Variants in INPP4B observed in about 807,000 individuals in gnomAD.
INPP4B encodes the protein inositol polyphosphate-4-phosphatase type II B, also known as inositol polyphosphate 4-phosphatase type II.
INPP4B carries 55 observed loss-of-function variants against 122.5 expected under a neutral mutation model. That is an observed-to-expected ratio of 0.45 (90% confidence interval 0.36 to 0.56). The LOEUF (loss-of-function observed/expected upper bound fraction) is 0.56. Among genes scored for constraint, INPP4B ranks in the 20% least tolerant of loss-of-function variants. The pLI, the probability that INPP4B is intolerant of heterozygous loss-of-function variation, is 0.00. For synonymous variants in INPP4B, 403 were observed against 388.7 expected, an observed-to-expected ratio of 1.04 and a Z score of -0.43; for missense variants, 1,000 against 1,097.7, an observed-to-expected ratio of 0.91 and a Z score of 1.26.
intron 2 of INPP4B, among the ~76,000 whole-genome samples, chr4:142,718,217 C>T (rs1764054478): frequency 1.3e-5 from 2 of 152,078 alleles, no homozygotes; most frequent in Admixed American, 1.3e-4. Context: ...AAAGGAAACC[C>T]CATTCTCTCT....
intron 7 of INPP4B, among the ~76,000 whole-genome samples, chr4:142,369,866 G>T (rs997799687): frequency 6.6e-6 from 1 of 151,070 alleles, no homozygotes; most frequent in Non-Finnish European, 1.5e-5. Flanking sequence ...AGGAGACGGA[G>T]GTTCCAGTGA....
chr4:142,629,448 G>A lies in INPP4B; in HGVS notation c.-191+96391C>T, dbSNP rs2278641. 7.2e-4 allele frequency among the ~76,000 whole-genome samples: 110 copies of A among 152,164 alleles called. 4 individuals carry two copies. The East Asian group carries it at 0.02, about 28-fold the overall frequency. ...AATGCAGAGATTCTGATTTAGGAAG[G>A]AGAGATTGTTTATTTCTAGATGAGA... On this transcript the variant is annotated intron_variant, in intron 2 of 25. Coordinates refer to ENST00000262992, the MANE Select transcript of INPP4B (RefSeq NM_001101669.3).
rs59890158 is a variant in INPP4B at position 142,585,846 on chromosome 4, TTTATTA to T, written c.-190-123126_-190-123121del. ...CCTCAAAAAAAATTACACTAAACAC[TTTATTA>T]TTATTATTATTATTATTATTATTAT... On this transcript the variant is annotated intron_variant, in intron 2 of 25. Coordinates refer to ENST00000262992, the MANE Select transcript of INPP4B (RefSeq NM_001101669.3). 1.4e-3 allele frequency among the ~76,000 whole-genome samples: 208 copies of T among 144,606 alleles called. 2 individuals carry two copies. The highest frequency in any genetic ancestry group is 2.1e-3 in the African/African-American group (83 of 39,776). 94.9% of individuals were successfully genotyped at this position (144,606 alleles called of 152,430 possible).
chr4:142,716,653 A>T (rs925402900), intron 2 of INPP4B, among the ~76,000 whole-genome samples: 2 of 152,232 alleles, frequency 1.3e-5, no homozygotes, highest in African/African-American at 4.8e-5. Flanking sequence ...CCTGAAAGGT[A>T]AAGTTTCCTA....
intron 2 of INPP4B, among the ~76,000 whole-genome samples, chr4:142,645,850 T>C (rs1489367772): frequency 6.6e-6 from 1 of 152,198 alleles, no homozygotes; most frequent in Non-Finnish European, 1.5e-5. Flanking sequence ...TCTTGAGAAG[T>C]TAAGCAGCGA....
At chr4:142,737,705 T>C (rs1767179250) in intron 1 of INPP4B, among the ~76,000 whole-genome samples, 1 of 151,966 alleles carries the variant, frequency 6.6e-6, no homozygotes, top group Non-Finnish European at 1.5e-5. Flanking sequence ...ATTTTTACAA[T>C]CTACTCATCT....
intron 2 of INPP4B, among the ~76,000 whole-genome samples, chr4:142,548,710 T>A (rs1315644287): frequency 6.6e-6 from 1 of 151,890 alleles, no homozygotes; most frequent in Non-Finnish European, 1.5e-5. Context: ...ACAGAGGGGT[T>A]ACCTATTTAA....
chr4:142,436,615 A>T (rs1810582180), intron 3 of INPP4B, among the ~76,000 whole-genome samples: 1 of 152,252 alleles, frequency 6.6e-6, no homozygotes, highest in Non-Finnish European at 1.5e-5. Flanking sequence ...GGAGCAAACC[A>T]GATGAATAGG....
intron 17 of INPP4B, among the ~76,000 whole-genome samples, chr4:142,157,021 C>A (rs1054678536): frequency 3.3e-5 from 5 of 152,072 alleles, no homozygotes; most frequent in Non-Finnish European, 7.4e-5. Flanking sequence ...AATATCTTCA[C>A]ATAATATCAC....
intron 15 of INPP4B, 67 bp from the exon 16 acceptor site, chr4:142,173,876 A>T: frequency 2.4e-6 from 3 of 1,226,320 alleles, no homozygotes; most frequent in Non-Finnish European, 3.6e-6. Flanking sequence ...TTAATATCAG[A>T]TGGCAAATGA....
At chr4:142,841,389 C>T (rs537795216) in intron 1 of INPP4B, among the ~76,000 whole-genome samples, 2 of 152,000 alleles carry the variant, frequency 1.3e-5, no homozygotes, top group African/African-American at 4.8e-5. Context: ...GAAAGCAAAG[C>T]CCCATGAAAA....
intron 1 of INPP4B, among the ~76,000 whole-genome samples, chr4:142,844,674 G>T (rs1227536859): frequency 6.6e-6 from 1 of 152,208 alleles, no homozygotes; most frequent in African/African-American, 2.4e-5. Flanking sequence ...ATGCCCACTT[G>T]CCCAGTCCTT....
chr4:142,119,483 C>T (rs1795472562), intron 21 of INPP4B, among the ~76,000 whole-genome samples: 1 of 152,034 alleles, frequency 6.6e-6, no homozygotes, highest in Non-Finnish European at 1.5e-5. Context: ...AAGATGAGTT[C>T]ATGTCCTTTG....
At chr4:142,289,927 G>A (rs1438387599) in intron 9 of INPP4B, among the ~76,000 whole-genome samples, 1 of 152,074 alleles carries the variant, frequency 6.6e-6, no homozygotes, top group East Asian at 1.9e-4. Flanking sequence ...AATGTATCCA[G>A]AATGTGACCA....
chr4:142,677,362 G>C (rs1241974895), intron 2 of INPP4B, among the ~76,000 whole-genome samples: 1 of 151,858 alleles, frequency 6.6e-6, no homozygotes, highest in Non-Finnish European at 1.5e-5. Flanking sequence ...GGAGAGGGTG[G>C]GGAGAAATAG....
In INPP4B at chr4:142,025,118, T is replaced by C. The variant is rs995775540; in HGVS notation, c.*3664A>G. The C allele has an allele frequency of 3.9e-5, 6 of 152,158 alleles. No individual in the cohort carries two copies. The highest frequency in any genetic ancestry group is 2.0e-4 in the Admixed American group (3 of 15,270). The allele number at this position is 152,158 out of a possible 1,614,324, so 9.4% of individuals were successfully genotyped here. The stretch of plus-strand genomic sequence containing the variant: ...GAATATGGCATTCATTGTGTGCTGG[T>C]AAATGCTCAACAATTGCCTTTCCAG... On this transcript the variant is annotated 3_prime_UTR_variant, in exon 26 of 26. Coordinates refer to ENST00000262992, the MANE Select transcript of INPP4B (RefSeq NM_001101669.3).
At chr4:142,505,690 G>A (rs370819661) in intron 2 of INPP4B, among the ~76,000 whole-genome samples, 4 of 152,140 alleles carry the variant, frequency 2.6e-5, no homozygotes, top group African/African-American at 9.7e-5. Flanking sequence ...TAGAGGAGAT[G>A]GAAAGGTGGA....
chr4:142,438,906 A>T (rs528558302), intron 3 of INPP4B, among the ~76,000 whole-genome samples: 102 of 152,298 alleles, frequency 6.7e-4, no homozygotes, highest in African/African-American at 2.3e-3. Flanking sequence ...ACATGTAAAG[A>T]TGTTTGGTAG....
At chr4:142,182,056 T>C (rs185835348) in intron 15 of INPP4B, among the ~76,000 whole-genome samples, 136 of 152,340 alleles carry the variant, frequency 8.9e-4, no homozygotes, top group African/African-American at 2.8e-3. Flanking sequence ...GAGGATGTCA[T>C]GTGTTGAACA....
Sources: allele counts gnomAD v4.1 joint callset (sites outside exome capture counted in the v4.1 genomes callset), GRCh38; gene constraint gnomAD v4.1.1; transcripts MANE v1.5; gene names NCBI Gene and HGNC (gene_info 2026-07-23, HGNC 2026-07-21).